The following ATF6 variants were observed in gnomAD, a reference collection of about 807,000 sequenced individuals.
ATF6 encodes the protein activating transcription factor 6, also known as cyclic AMP-dependent transcription factor ATF-6 alpha.
A neutral mutation model predicts 83.6 loss-of-function variants in ATF6; 53 were observed. That is an observed-to-expected ratio of 0.63 (90% CI 0.51 to 0.80). ATF6 has a LOEUF of 0.80. Among genes scored for constraint, ATF6 ranks in the 30% least tolerant of loss-of-function variants. The pLI is 0.00. For missense variants in ATF6, 744 were observed against 797.9 expected (o/e 0.93, Z 0.81); for synonymous variants, 288 against 285.8 (o/e 1.01, Z -0.08).
At chr1:161,882,240 A>G (rs778369505) in intron 14 of ATF6, among the ~76,000 whole-genome samples, 8 of 152,140 alleles carry the variant, frequency 5.3e-5, no homozygotes, top group Non-Finnish European at 1.2e-4. Context: ...CTCTTTGGAA[A>G]CATAACATAT....
At chr1:161,848,879 TTC>T (rs1211634728) in intron 10 of ATF6, among the ~76,000 whole-genome samples, 1 of 152,160 alleles carries the variant, frequency 6.6e-6, no homozygotes, top group Non-Finnish European at 1.5e-5. Context: ...TTGGCTGATT[TTC>T]TCTCTCCTTT....
At chr1:161,927,988 A>G (rs1688350436) in intron 15 of ATF6, among the ~76,000 whole-genome samples, 1 of 152,186 alleles carries the variant, frequency 6.6e-6, no homozygotes, top group African/African-American at 2.4e-5. Context: ...AAATAGTTTT[A>G]AGTTGTACAT....
chr1:161,894,519 G>GTTTTT (rs1687629120), intron 14 of ATF6, among the ~76,000 whole-genome samples: 1 of 59,394 alleles, frequency 1.7e-5, no homozygotes, highest in African/African-American at 5.6e-5. Context: ...TTGTTTTGTA[G>GTTTTT]TCTTTTTTTT....
At chr1:161,806,563 T>C (rs1375193072) in intron 7 of ATF6, among the ~76,000 whole-genome samples, 1 of 152,124 alleles carries the variant, frequency 6.6e-6, no homozygotes, top group Admixed American at 6.5e-5. Flanking sequence ...ACCTCAGATG[T>C]GAGGTTGATG....
intron 12 of ATF6, 116 bp downstream of exon 12, chr1:161,853,439 T>C (rs1686686581): frequency 1.4e-6 from 1 of 736,192 alleles, no homozygotes; most frequent in Non-Finnish European, 2.4e-6. Flanking sequence ...CTCTTCCCAC[T>C]GTCTCCTGCT....
intron 9 of ATF6, among the ~76,000 whole-genome samples, chr1:161,826,893 T>C (rs930539050): frequency 6.6e-6 from 1 of 151,876 alleles, no homozygotes; most frequent in Non-Finnish European, 1.5e-5. Flanking sequence ...AGATGTTTCA[T>C]CATTTGTGTT....
At chr1:161,947,549 G>A (rs747791047) in intron 15 of ATF6, among the ~76,000 whole-genome samples, 30 of 152,200 alleles carry the variant, frequency 2.0e-4, no homozygotes, top group South Asian at 4.2e-4. Context: ...AAAAGAATTC[G>A]TTTTTATGGC....
chr1:161,932,661 T>C (rs942697688), intron 15 of ATF6, among the ~76,000 whole-genome samples: 3 of 152,352 alleles, frequency 2.0e-5, no homozygotes, highest in Admixed American at 6.5e-5. Flanking sequence ...CCCAAAACTT[T>C]AATGGCTTAA....
At chr1:161,942,632 T>A (rs1023913080) in intron 15 of ATF6, among the ~76,000 whole-genome samples, 1 of 152,176 alleles carries the variant, frequency 6.6e-6, no homozygotes, top group Non-Finnish European at 1.5e-5. Flanking sequence ...ACAAACATCA[T>A]CATATTTAAT....
chr1:161,905,893 AGCGATCTCG>A (rs1687868860), intron 14 of ATF6, among the ~76,000 whole-genome samples: 1 of 151,864 alleles, frequency 6.6e-6, no homozygotes, highest in African/African-American at 2.4e-5. Context: ...GTGCAGTGGC[AGCGATCTCG>A]GCTCACTGCA....
At chr1:161,941,188 G>T (rs138365495) in intron 15 of ATF6, among the ~76,000 whole-genome samples, 130 of 152,318 alleles carry the variant, frequency 8.5e-4, no homozygotes, top group African/African-American at 3.0e-3. Flanking sequence ...AACTGAATCT[G>T]CTGGGCTATA....
intron 12 of ATF6, among the ~76,000 whole-genome samples, chr1:161,858,616 G>A (rs143864840): frequency 9.6e-4 from 146 of 152,184 alleles, no homozygotes; most frequent in Non-Finnish European, 3.4e-4. Flanking sequence ...AAGCTTCAAC[G>A]TACACAAAGC....
chr1:161,843,049 A>G (rs1686395754), intron 9 of ATF6, among the ~76,000 whole-genome samples: 1 of 152,224 alleles, frequency 6.6e-6, no homozygotes. Context: ...GCTGGAGCCT[A>G]TCCTGGTAGC....
In ATF6 at chr1:161,796,396, A is replaced by G. The variant is rs187188898; in HGVS notation, c.688+4069A>G. Among the ~76,000 whole-genome samples the G allele has an allele frequency of 1.3e-3, 191 of 152,318 alleles. 1 individual carries two copies. The highest frequency in any genetic ancestry group is 3.4e-3 in the Middle Eastern group (1 of 294). On this transcript the variant is annotated intron_variant, in intron 6 of 15. Coordinates refer to ENST00000367942, the MANE Select transcript of ATF6 (RefSeq NM_007348.4). ...CAGAGGATGTAGAACATGGCTTCCT[A>G]TAATACTCTTCTCAAAGTATTGGTT...
intron 2 of ATF6, among the ~76,000 whole-genome samples, chr1:161,779,334 T>G (rs1276130727): frequency 6.6e-6 from 1 of 152,246 alleles, no homozygotes. Context: ...GGGAAATATA[T>G]TCCTGATTTT....
In ATF6 at chr1:161,846,563, C is replaced by G; in HGVS notation, c.1302C>G (p.Ile434Met). Residue 434 changes from isoleucine to methionine, a missense_variant, in exon 10 of 16, where the codon ATC becomes ATG. Physicochemically the swap from Ile to Met is conservative, Grantham distance 10. Coordinates refer to ENST00000367942, the MANE Select transcript of ATF6 (RefSeq NM_007348.4). ...KEAQDTSDGI[I>M]QKNSYRYDHS... is the part of the protein sequence containing the mutation. ...CACAGGACACATCAGATGGTATTAT[C>G]CAGAAAAACAGCTACAGGTAAGATG... 2 of 1,603,800 alleles carry G rather than the reference C, an allele frequency of 1.2e-6. No individual in the cohort carries two copies. The highest frequency in any genetic ancestry group is 1.7e-6 in the Non-Finnish European group (2 of 1,174,854).
At chr1:161,804,731 T>C (rs939654039) in intron 7 of ATF6, among the ~76,000 whole-genome samples, 3 of 152,040 alleles carry the variant, frequency 2.0e-5, no homozygotes, top group Admixed American at 1.3e-4. Context: ...CATCTTAATG[T>C]TGACAATCAT....
At chr1:161,933,826 C>T (rs114502490) in intron 15 of ATF6, among the ~76,000 whole-genome samples, 1 of 152,310 alleles carries the variant, frequency 6.6e-6, no homozygotes, top group Admixed American at 6.5e-5. Context: ...TTTCTTGCTC[C>T]TCCCCATGTT....
chr1:161,926,966 G>GT (rs1333489331), intron 15 of ATF6, among the ~76,000 whole-genome samples: 4 of 151,454 alleles, frequency 2.6e-5, no homozygotes, highest in South Asian at 2.1e-4. Flanking sequence ...TTGGTTCCAT[G>GT]TTTTTTTTTA....
Sources: allele counts gnomAD v4.1 joint callset (sites outside exome capture counted in the v4.1 genomes callset), GRCh38; gene constraint gnomAD v4.1.1; transcripts MANE v1.5; gene names NCBI Gene and HGNC (gene_info 2026-07-23, HGNC 2026-07-21).